The following PDCD1LG2 variants were observed in gnomAD, a reference collection of about 807,000 sequenced individuals.
PDCD1LG2 encodes the protein programmed cell death 1 ligand 2, also known as B7 dendritic cell molecule.
PDCD1LG2 carries 32 observed loss-of-function variants against 28.2 expected under a neutral mutation model. The ratio of observed to expected loss-of-function variants is 1.13; its 90% confidence interval spans 0.86 to 1.52. The LOEUF is 1.52. Ranked by LOEUF, PDCD1LG2 falls within the 40% of genes most tolerant of loss-of-function variation. The probability of loss-of-function intolerance (pLI) is 0.00; values close to 1 mark genes in which losing one functional copy is unlikely to be tolerated. For synonymous variants in PDCD1LG2, 116 were observed against 120.2 expected (o/e 0.97, Z 0.23); for missense variants, 385 against 323.8 (o/e 1.19, Z -1.45).
chr9:5,527,563 C>A (rs1035718121), intron 2 of PDCD1LG2, among the ~76,000 whole-genome samples: 2 of 152,198 alleles, frequency 1.3e-5, no homozygotes, highest in African/African-American at 4.8e-5. Context: ...CCAATTGGGG[C>A]ACATTTGGGT....
At chr9:5,557,319 C>G (rs1054960111) in intron 4 of PDCD1LG2, among the ~76,000 whole-genome samples, 1 of 152,162 alleles carries the variant, frequency 6.6e-6, no homozygotes, top group Non-Finnish European at 1.5e-5. Flanking sequence ...AGCACAGAAT[C>G]TGGAACCAGA....
Position 5,519,076 on chromosome 9 carries a change from A to C in PDCD1LG2, c.-14-3457A>C, listed in dbSNP as rs536230957. ...GGCCACATGGGGAAGCACCAGGGTC[A>C]GCCAGGAGGTGGGTGGGGGGTGCGC... On this transcript the variant is annotated intron_variant, in intron 1 of 6. Transcript: ENST00000397747. Among the ~76,000 whole-genome samples, 8 of 152,366 alleles carry C rather than the reference A, an allele frequency of 5.3e-5. No homozygotes were observed. The East Asian group carries it at 1.5e-3, about 29-fold the overall frequency.
chr9:5,535,475 G>C (rs765244672), intron 3 of PDCD1LG2, among the ~76,000 whole-genome samples: 1 of 152,126 alleles, frequency 6.6e-6, no homozygotes, highest in African/African-American at 2.4e-5. Context: ...TATCAATTTA[G>C]TGAGTAGCAA....
At chr9:5,547,541 G>A (rs1043236273) in intron 3 of PDCD1LG2, among the ~76,000 whole-genome samples, 1 of 152,064 alleles carries the variant, frequency 6.6e-6, no homozygotes, top group Admixed American at 6.6e-5. Flanking sequence ...GTTTTTATAA[G>A]GTTGTAATGT....
chr9:5,522,167 T>C (rs73386692), intron 1 of PDCD1LG2, among the ~76,000 whole-genome samples: 18,830 of 149,636 alleles, frequency 0.13, 1,376 homozygotes, highest in African/African-American at 0.22. Flanking sequence ...TGTCCATTAT[T>C]CATTTGACAA....
intron 2 of PDCD1LG2, among the ~76,000 whole-genome samples, chr9:5,531,492 C>T (rs1037153447): frequency 6.6e-6 from 1 of 152,144 alleles, no homozygotes; most frequent in Non-Finnish European, 1.5e-5. Flanking sequence ...TAAATATTAG[C>T]TGAAAAATGT....
At chr9:5,561,481 T>C (rs1252802075) in intron 5 of PDCD1LG2, among the ~76,000 whole-genome samples, 1 of 152,206 alleles carries the variant, frequency 6.6e-6, no homozygotes, top group African/African-American at 2.4e-5. Flanking sequence ...ACTCCAAAAC[T>C]TGTGGCCTAT....
chr9:5,546,839 G>C (rs1304493018), intron 3 of PDCD1LG2, among the ~76,000 whole-genome samples: 1 of 152,138 alleles, frequency 6.6e-6, no homozygotes, highest in African/African-American at 2.4e-5. Context: ...AGCTTTTTGG[G>C]ACATACCAGG....
At chr9:5,536,734 T>C (rs777349039) in intron 3 of PDCD1LG2, among the ~76,000 whole-genome samples, 1 of 152,222 alleles carries the variant, frequency 6.6e-6, no homozygotes, top group Non-Finnish European at 1.5e-5. Flanking sequence ...TTGTTCCTTA[T>C]AGTGTTGGTC....
chr9:5,556,608 T>C (rs1189720764), intron 4 of PDCD1LG2, among the ~76,000 whole-genome samples: 1 of 152,204 alleles, frequency 6.6e-6, no homozygotes, highest in Non-Finnish European at 1.5e-5. Context: ...AATCCGTGGT[T>C]CTCAGATAGC....
intron 3 of PDCD1LG2, among the ~76,000 whole-genome samples, chr9:5,545,298 C>T (rs1479933392): frequency 6.6e-6 from 1 of 152,220 alleles, no homozygotes; most frequent in African/African-American, 2.4e-5. Flanking sequence ...TTTTTAACTA[C>T]GGTGCTTACC....
At chr9:5,521,163 C>A (rs1348774118) in intron 1 of PDCD1LG2, among the ~76,000 whole-genome samples, 1 of 152,002 alleles carries the variant, frequency 6.6e-6, no homozygotes, top group Admixed American at 6.6e-5. Context: ...CCAGAATAAG[C>A]AATTGATAGA....
At chr9:5,566,395 C>T (rs1816666079) in intron 6 of PDCD1LG2, among the ~76,000 whole-genome samples, 1 of 152,172 alleles carries the variant, frequency 6.6e-6, no homozygotes, top group Non-Finnish European at 1.5e-5. Context: ...TAGAATTGCA[C>T]TTCTCTGTGA....
chr9:5,514,918 G>A (rs1820128137), intron 1 of PDCD1LG2, among the ~76,000 whole-genome samples: 1 of 152,084 alleles, frequency 6.6e-6, no homozygotes, highest in Admixed American at 6.6e-5. Context: ...TATGAAGGAG[G>A]TAGCCCTGAG....
At chr9:5,550,063 C>G (rs566053502) in intron 4 of PDCD1LG2, among the ~76,000 whole-genome samples, 3 of 152,266 alleles carry the variant, frequency 2.0e-5, no homozygotes, top group Admixed American at 6.5e-5. Flanking sequence ...TTGACATGTA[C>G]AGAATAGATC....
intron 3 of PDCD1LG2, among the ~76,000 whole-genome samples, chr9:5,538,545 G>A (rs545502165): frequency 2.0e-5 from 3 of 152,114 alleles, no homozygotes; most frequent in African/African-American, 7.2e-5. Context: ...AAAATTAGCC[G>A]GGCGCGGTGG....
intron 1 of PDCD1LG2, among the ~76,000 whole-genome samples, chr9:5,511,668 A>G (rs1820061770): frequency 6.6e-6 from 1 of 152,222 alleles, no homozygotes; most frequent in African/African-American, 2.4e-5. Context: ...GATGTCCTCC[A>G]AGCTCCTTTC....
chr9:5,535,201 G>A (rs530662923), intron 3 of PDCD1LG2, 151 bp downstream of exon 3: 41 of 749,476 alleles, frequency 5.5e-5, no homozygotes, highest in Admixed American at 2.1e-4. Flanking sequence ...GCATCTGCTC[G>A]GAAATAATTT....
intron 6 of PDCD1LG2, among the ~76,000 whole-genome samples, chr9:5,563,693 A>G (rs186015236): frequency 6.6e-6 from 1 of 152,312 alleles, no homozygotes; most frequent in African/African-American, 2.4e-5. Flanking sequence ...TACTAAAATC[A>G]TTAAGCCTGG....
Sources: gnomAD v4.1 joint callset for allele counts (sites outside exome capture counted in the v4.1 genomes callset) on GRCh38, gnomAD v4.1.1 for gene constraint, MANE v1.5 for transcripts, NCBI Gene and HGNC (gene_info 2026-07-23, HGNC 2026-07-21) for gene names.